Variants in CCNY observed in about 807,000 individuals in gnomAD.
CCNY encodes cyclin-Y.
Under a neutral mutation model 42.8 loss-of-function variants are expected in CCNY, and 19 were observed. The observed-to-expected ratio is 0.44, with a 90% CI of 0.31 to 0.65. CCNY has a LOEUF of 0.65. Ranked by LOEUF, CCNY falls within the 30% of genes least tolerant of loss-of-function variation. The pLI is 0.07. For missense variants in CCNY, 370 were observed against 437.3 expected (o/e 0.85, Z 1.37); for synonymous variants, 165 against 162.7 (o/e 1.01, Z -0.11).
rs894042789 is a variant in CCNY, at chr10:35,408,524, A to G, written c.154+71317A>G. ...TCAAGGGCGGGGAGAATTACAAAGA[A>G]CCTTCTTAAGGGTGGGGGAGATTAT... On this transcript the variant is annotated intron_variant, in intron 1 of 9. Transcript: ENST00000374704. 3.6e-4 allele frequency among the ~76,000 whole-genome samples: 54 copies of G among 148,386 alleles called. 1 individual carries two copies. Among genetic ancestry groups the G allele is most frequent in the Non-Finnish European group, 5.2e-4 (35 of 67,418 alleles).
chr10:35,483,921 A>G (rs1839728680), intron 2 of CCNY, among the ~76,000 whole-genome samples: 1 of 152,156 alleles, frequency 6.6e-6, no homozygotes, highest in Non-Finnish European at 1.5e-5. Flanking sequence ...CTGTAGGTGC[A>G]GATGTTTTCT....
At chr10:35,268,446 C>T (rs914954229) in intron 3 of CCNY, among the ~76,000 whole-genome samples, 1 of 152,142 alleles carries the variant, frequency 6.6e-6, no homozygotes, top group Non-Finnish European at 1.5e-5. Flanking sequence ...CTTCCCTGCC[C>T]CCGTGGTTTT....
At chr10:35,567,055 G>T (rs1244729985) in intron 9 of CCNY, among the ~76,000 whole-genome samples, 2 of 152,074 alleles carry the variant, frequency 1.3e-5, no homozygotes, top group Non-Finnish European at 2.9e-5. Context: ...TTACGGACAG[G>T]TTTAAGAAAA....
chr10:35,249,514 A>T (rs755361793), intron 2 of CCNY, among the ~76,000 whole-genome samples: 2 of 152,240 alleles, frequency 1.3e-5, no homozygotes, highest in African/African-American at 2.4e-5. Context: ...CTGCAAGTTG[A>T]CTTATTTGGG....
chr10:35,292,751 A>G (rs1835427797), intron 3 of CCNY, among the ~76,000 whole-genome samples: 1 of 149,116 alleles, frequency 6.7e-6, no homozygotes. Flanking sequence ...ACCAGTGCCT[A>G]ATGTTATCCT....
intron 1 of CCNY, among the ~76,000 whole-genome samples, chr10:35,444,308 C>T (rs1006213532): frequency 6.1e-5 from 9 of 148,716 alleles, no homozygotes; most frequent in African/African-American, 1.0e-4. Flanking sequence ...GAGTGCAGTG[C>T]GTGATCTTGG....
chr10:35,289,605 G>A (rs972900144), intron 3 of CCNY, among the ~76,000 whole-genome samples: 8 of 152,270 alleles, frequency 5.3e-5, no homozygotes, highest in African/African-American at 1.9e-4. Context: ...CGAGAGCAGT[G>A]GCTCAGACCT....
At chr10:35,307,879 G>A (rs796555732) in intron 3 of CCNY, among the ~76,000 whole-genome samples, 16 of 144,162 alleles carry the variant, frequency 1.1e-4, no homozygotes, top group African/African-American at 1.3e-4. Flanking sequence ...ATGCAATGGC[G>A]CAATCTTGGC....
rs1358377219 is a variant in CCNY, at chr10:35,570,920, TAAAC to T, written c.*1752_*1755del. On this transcript the variant is annotated 3_prime_UTR_variant, in exon 10 of 10. Transcript: ENST00000374704. ...TCTGACCCAAACTTTCAAAAGCAAA[TAAAC>T]AGCATATAAAACGTTAATTATCTTT... The T allele has an allele frequency of 6.6e-6, 1 of 152,334 alleles. No homozygotes were observed. The highest frequency in any genetic ancestry group is 1.5e-5 in the Non-Finnish European group (1 of 68,022). 9.4% of individuals were successfully genotyped at this position (152,334 alleles called of 1,614,324 possible).
intron 1 of CCNY, among the ~76,000 whole-genome samples, chr10:35,384,842 G>T (rs747643703): frequency 6.6e-6 from 1 of 152,132 alleles, no homozygotes; most frequent in African/African-American, 2.4e-5. Context: ...CAGGCCTGCC[G>T]TCTGAGAATT....
Position 35,448,785 on chromosome 10 carries a change from TG to T in CCNY, c.155-34618del, listed in dbSNP as rs1838848021. Reference sequence around the variant, plus strand: ...AGTCCTGTAGCCACTGTGAGTACTTTGCACTCTAGAATGGGGGCCAATGTGG... The same window carrying T: ...AGTCCTGTAGCCACTGTGAGTACTTTCACTCTAGAATGGGGGCCAATGTGG... On this transcript the variant is annotated intron_variant, in intron 1 of 9. Coordinates refer to ENST00000374704, the MANE Select transcript of CCNY (RefSeq NM_145012.6). 2.0e-5 allele frequency among the ~76,000 whole-genome samples: 3 copies of T among 152,050 alleles called. No homozygotes were observed. In the South Asian group the frequency reaches 6.2e-4, roughly 31 times the overall value.
intron 2 of CCNY, among the ~76,000 whole-genome samples, chr10:35,249,004 G>C (rs2095710040): frequency 6.6e-6 from 1 of 152,162 alleles, no homozygotes; most frequent in Non-Finnish European, 1.5e-5. Flanking sequence ...CTAGAGTGCA[G>C]TGGCATGATC....
At chr10:35,404,813 A>G (rs968373489) in intron 1 of CCNY, among the ~76,000 whole-genome samples, 1 of 152,186 alleles carries the variant, frequency 6.6e-6, no homozygotes, top group Non-Finnish European at 1.5e-5. Context: ...AAGATAGGTA[A>G]TGGATGAGGA....
chr10:35,424,367 C>T (rs1349329079), intron 1 of CCNY, among the ~76,000 whole-genome samples: 1 of 152,200 alleles, frequency 6.6e-6, no homozygotes, highest in Non-Finnish European at 1.5e-5. Context: ...GCTGGGATTA[C>T]AGGCATGCGC....
intron 7 of CCNY, among the ~76,000 whole-genome samples, chr10:35,531,537 T>G (rs1840771054): frequency 6.6e-6 from 1 of 152,238 alleles, no homozygotes; most frequent in African/African-American, 2.4e-5. Flanking sequence ...CTGCCCAGCT[T>G]TGTTCCTCAA....
At chr10:35,499,629 T>C (rs891904694) in intron 2 of CCNY, among the ~76,000 whole-genome samples, 15 of 152,202 alleles carry the variant, frequency 9.9e-5, no homozygotes, top group Admixed American at 7.9e-4. Context: ...ATGGATATCT[T>C]TCATTTGCTG....
intron 1 of CCNY, among the ~76,000 whole-genome samples, chr10:35,363,306 T>TG (rs909433801): frequency 3.6e-5 from 5 of 140,278 alleles, no homozygotes; most frequent in African/African-American, 1.3e-4. Context: ...CCCAGACGGT[T>TG]GGGGGGCCGG....
intron 9 of CCNY, among the ~76,000 whole-genome samples, chr10:35,567,393 C>T (rs757312466): frequency 3.9e-5 from 6 of 152,182 alleles, no homozygotes; most frequent in Non-Finnish European, 8.8e-5. Flanking sequence ...GGAAAGGGGA[C>T]GGGGTGGTAA....
At chr10:35,486,442 A>G (rs1023953539) in intron 2 of CCNY, among the ~76,000 whole-genome samples, 1 of 152,094 alleles carries the variant, frequency 6.6e-6, no homozygotes, top group African/African-American at 2.4e-5. Context: ...ACTATTTCCT[A>G]TTGCAGTTGC....
Sources: allele counts gnomAD v4.1 joint callset (sites outside exome capture counted in the v4.1 genomes callset), GRCh38; gene constraint gnomAD v4.1.1; transcripts MANE v1.5; gene names NCBI Gene and HGNC (gene_info 2026-07-23, HGNC 2026-07-21).